Variants in ATP1A3 observed in about 807,000 individuals in gnomAD.
The protein encoded by ATP1A3 is sodium/potassium-transporting ATPase subunit alpha-3.
Under a neutral mutation model 108.8 loss-of-function variants are expected in ATP1A3, and 12 were observed. The observed-to-expected ratio is 0.11, with a 90% CI of 0.07 to 0.18. The LOEUF is 0.18. ATP1A3 is among the 10% of genes least tolerant of loss of function. The pLI is 1.00. For synonymous variants in ATP1A3, 539 were observed against 564.5 expected, an observed-to-expected ratio of 0.95 and a Z score of 0.64; for missense variants, 498 against 1,387.7, an observed-to-expected ratio of 0.36 and a Z score of 10.19.
At chr19:41,982,194 C>T (rs2075240136) in intron 8 of ATP1A3, 88 bp from the exon 9 acceptor site, 5 of 1,607,312 alleles carry the variant, frequency 3.1e-6, no homozygotes, top group African/African-American at 1.3e-5. Context: ...GCCCAGCTGC[C>T]CAGCCCCCAG....
chr19:41,972,871 A>AGGCAGGC lies in ATP1A3; in HGVS notation c.2264-2330_2264-2329insGCCTGCC, dbSNP rs1568856444. Among the ~76,000 whole-genome samples, 16 of 133,394 alleles carry AGGCAGGC rather than the reference A, an allele frequency of 1.2e-4. 1 individual carries two copies. The highest frequency in any genetic ancestry group is 4.7e-4 in the African/African-American group (16 of 34,072). 87.5% of individuals were successfully genotyped at this position (133,394 alleles called of 152,430 possible). Reference sequence around the variant, plus strand: ...GAAGGAAGGAAGGAAAGAAGGAAGGAAGGCAGGCAGGCAGGGACGGAGGGA... The same window carrying AGGCAGGC: ...GAAGGAAGGAAGGAAAGAAGGAAGGAGGCAGGCAGGCAGGCAGGCAGGGACGGAGGGA... On this transcript the variant is annotated intron_variant, in intron 16 of 22. Coordinates refer to ENST00000648268, the MANE Select transcript of ATP1A3 (RefSeq NM_152296.5).
At chr19:41,990,355 C>G (rs901624121) in intron 1 of ATP1A3, among the ~76,000 whole-genome samples, 5 of 151,730 alleles carry the variant, frequency 3.3e-5, no homozygotes, top group African/African-American at 4.8e-5. Context: ...CTCTCTCTCT[C>G]TCTCCCTCTC....
In ATP1A3 at chr19:41,978,408, C is replaced by T. The variant is rs1455459636; in HGVS notation, c.1631-82G>A. The T allele has an allele frequency of 1.3e-5, 19 of 1,514,818 alleles. No individual in the cohort carries two copies. Among genetic ancestry groups the T allele is most frequent in the Non-Finnish European group, 1.7e-5 (19 of 1,119,718 alleles). 93.8% of individuals were successfully genotyped at this position (1,514,818 alleles called of 1,614,324 possible). On this transcript the variant is annotated intron_variant, in intron 12 of 22. Coordinates refer to ENST00000648268, the MANE Select transcript of ATP1A3 (RefSeq NM_152296.5). The surrounding 1 kb of genome is among the most constrained non-coding windows in gnomAD (Gnocchi z 8.3). Reference sequence around the variant, plus strand: ...TGCCCCTAGATGTCTGCATCGCCCGCATTCCATCTCCCCATCAGCAAGACG... The same window carrying T: ...TGCCCCTAGATGTCTGCATCGCCCGTATTCCATCTCCCCATCAGCAAGACG...
At chr19:41,984,621 G>A in intron 8 of ATP1A3, 3 of 392,882 alleles carry the variant, frequency 7.6e-6, no homozygotes, top group Non-Finnish European at 9.3e-6. Context: ...TTTACGGCTT[G>A]CCAGTGTTTC....
rs782717865 is a variant in ATP1A3 at position 41,987,978 on chromosome 19, G to A, written c.315C>T (p.Tyr105=). The change falls in exon 4 of 23, where the codon TAC becomes TAT. Residue 105 remains tyrosine, a synonymous_variant. Coordinates refer to ENST00000648268, the MANE Select transcript of ATP1A3 (RefSeq NM_152296.5). ...WIGAILCFLA[Y]GIQAGTEDDP... ...CGTCCTCGGTGCCCGCCTGGATACC[G>A]TAGGCCAGGAAGCAGAGGATAGCCC... The A allele has an allele frequency of 3.8e-5, 61 of 1,614,010 alleles. No individual in the cohort carries two copies. In the South Asian group the frequency reaches 5.0e-4, roughly 13 times the overall value.
intron 16 of ATP1A3, among the ~76,000 whole-genome samples, 165 bp downstream of exon 16, chr19:41,975,464 C>A (rs2075155809): frequency 6.6e-6 from 1 of 152,200 alleles, no homozygotes; most frequent in South Asian, 2.1e-4. Context: ...GAGCTCCCGA[C>A]CCCACAGGGG....
At chr19:41,993,886 C>T in intron 1 of ATP1A3, 185 bp downstream of exon 1, 1 of 1,138,502 alleles carries the variant, frequency 8.8e-7, no homozygotes, top group Non-Finnish European at 1.2e-6. Flanking sequence ...ACGTGCGCCA[C>T]AGACCCCCCG....
intron 1 of ATP1A3, among the ~76,000 whole-genome samples, chr19:41,991,581 C>T (rs1415173919): frequency 2.0e-5 from 3 of 151,914 alleles, no homozygotes; most frequent in Non-Finnish European, 4.4e-5. Flanking sequence ...GTGCAGGAGG[C>T]CAGGAGAGGG....
intron 1 of ATP1A3, chr19:41,993,460 A>C (rs782726214): frequency 4.6e-6 from 7 of 1,532,372 alleles, no homozygotes; most frequent in Non-Finnish European, 6.1e-6. Context: ...GGGGCTGCAC[A>C]CACACACACT....
At chr19:41,973,692 A>T (rs553721663) in intron 16 of ATP1A3, among the ~76,000 whole-genome samples, 12 of 152,182 alleles carry the variant, frequency 7.9e-5, no homozygotes, top group Non-Finnish European at 1.5e-4. Flanking sequence ...GTAATTACAT[A>T]TCTGTTAACT....
chr19:41,993,095 C>G (rs1319085827), intron 1 of ATP1A3: 1 of 289,888 alleles, frequency 3.4e-6, no homozygotes, highest in African/African-American at 2.3e-5. Flanking sequence ...ATCTTTCTCC[C>G]CAGCCCTCCT....
chr19:41,972,812 A>C lies in ATP1A3; in HGVS notation c.2264-2270T>G, dbSNP rs551573156. On this transcript the variant is annotated intron_variant, in intron 16 of 22. Coordinates refer to ENST00000648268, the MANE Select transcript of ATP1A3 (RefSeq NM_152296.5). ...GGAAGGAAGGAAGGAAGGGGAAGGAAGGAAGGAAGGAAGGAAGGAAGGAAG... is the reference window on the plus strand; with the variant it reads ...GGAAGGAAGGAAGGAAGGGGAAGGACGGAAGGAAGGAAGGAAGGAAGGAAG... Among the ~76,000 whole-genome samples the C allele has an allele frequency of 3.1e-5, 3 of 96,788 alleles. No individual in the cohort carries two copies. In the East Asian group the frequency reaches 8.9e-4, roughly 29 times the overall value. 63.5% of individuals were successfully genotyped at this position (96,788 alleles called of 152,430 possible). A position where few individuals can be genotyped will look rare whatever the true frequency, so the allele number is the denominator to read the frequency against.
rs1555861379 is a variant in ATP1A3 at position 41,976,585 on chromosome 19, G to T, written c.1944-19C>A. 2 of 1,613,572 alleles carry T rather than the reference G, an allele frequency of 1.2e-6. No homozygotes were observed. Among genetic ancestry groups the T allele is most frequent in the African/African-American group, 1.3e-5 (1 of 74,896 alleles). ...GGCATCCCTGGGAAGAGCAGAGAGA[G>T]CGATGGCTGAGGTCAGGGTGTGTGA... On this transcript the variant is annotated intron_variant, in intron 14 of 22. Coordinates refer to ENST00000648268, the MANE Select transcript of ATP1A3 (RefSeq NM_152296.5).
At chr19:41,974,314 ATACCTGTAGTCTCAGC>A (rs2075143382) in intron 16 of ATP1A3, among the ~76,000 whole-genome samples, 2 of 152,110 alleles carry the variant, frequency 1.3e-5, no homozygotes, top group African/African-American at 4.8e-5. Context: ...GTGATGGTGC[ATACCTGTAGTCTCAGC>A]TACTTAGGGG....
chr19:41,993,652 C>G, intron 1 of ATP1A3: 2 of 643,994 alleles, frequency 3.1e-6, no homozygotes, highest in Non-Finnish European at 5.3e-6. Context: ...AGCAGGGGGG[C>G]CTCAATAACC....
chr19:41,966,855 G>A lies in ATP1A3; in HGVS notation c.*82C>T. On this transcript the variant is annotated 3_prime_UTR_variant, in exon 23 of 23. Transcript: ENST00000648268. ...CAGGAAGAGAGGGCTCCTCCCCCCA[G>A]AATACAAAATTGGGGGGACTGACAG... is the stretch of plus-strand genomic sequence containing the variant. The A allele has an allele frequency of 1.9e-6, 3 of 1,548,152 alleles. No homozygotes were observed. The highest frequency in any genetic ancestry group is 2.6e-6 in the Non-Finnish European group (3 of 1,145,122).
At chr19:41,970,854 A>G (rs151197026) in intron 16 of ATP1A3, among the ~76,000 whole-genome samples, 12 of 150,932 alleles carry the variant, frequency 8.0e-5, no homozygotes, top group East Asian at 2.0e-4. Flanking sequence ...GCATGGTCTC[A>G]ATCTCCTGAC....
At chr19:41,993,580 GAGAA>G (rs1364451135) in intron 1 of ATP1A3, 1 of 1,145,564 alleles carries the variant, frequency 8.7e-7, no homozygotes, top group African/African-American at 1.6e-5. Context: ...GGCCTGGAAG[GAGAA>G]AGAGAGGTCA....
In ATP1A3 at chr19:41,968,830, A is replaced by G; in HGVS notation, c.2774T>C (p.Ile925Thr). Residue 925 changes from isoleucine (I) to threonine (T), a missense_variant, in exon 20 of 23, where the codon ATC (isoleucine) becomes ACC (threonine). Coordinates refer to ENST00000648268, the MANE Select transcript of ATP1A3 (RefSeq NM_152296.5). The surrounding 1 kb of genome is among the most constrained non-coding windows in gnomAD (Gnocchi z 5.0). ...SIVVVQWADL[I>T]ICKTRRNSVF... Reference sequence around the variant, plus strand: ...CGAGTTCCTCCGGGTCTTGCAGATGATCAGATCGGCCCACTGGACGACAAC... The same window carrying G: ...CGAGTTCCTCCGGGTCTTGCAGATGGTCAGATCGGCCCACTGGACGACAAC... 1 of 1,614,078 alleles carries G rather than the reference A, an allele frequency of 6.2e-7. No individual in the cohort carries two copies. Among genetic ancestry groups the G allele is most frequent in the Non-Finnish European group, 8.5e-7 (1 of 1,179,972 alleles).
Sources: allele counts gnomAD v4.1 joint callset (sites outside exome capture counted in the v4.1 genomes callset), GRCh38; gene constraint gnomAD v4.1.1; non-coding constraint Gnocchi (gnomAD v3.1); transcripts MANE v1.5; gene names NCBI Gene and HGNC (gene_info 2026-07-23, HGNC 2026-07-21).